Variants in PRKCB observed in about 807,000 individuals in gnomAD.
PRKCB encodes protein kinase C beta.
In PRKCB, 13 loss-of-function variants were observed where a neutral mutation model predicts 81.5. The observed-to-expected ratio is 0.16, with a 90% CI of 0.10 to 0.25. PRKCB has a LOEUF of 0.25. Ranked by LOEUF, PRKCB falls within the 10% of genes least tolerant of loss-of-function variation. The pLI, the probability that PRKCB is intolerant of heterozygous loss-of-function variation, is 1.00. For synonymous variants in PRKCB, 335 were observed against 321.4 expected (o/e 1.04, Z -0.45); for missense variants, 509 against 875.7 (o/e 0.58, Z 5.29).
At chr16:24,163,539 T>C (rs973193806) in intron 10 of PRKCB, among the ~76,000 whole-genome samples, 1 of 152,180 alleles carries the variant, frequency 6.6e-6, no homozygotes, top group African/African-American at 2.4e-5. Context: ...CGAGGAAGAA[T>C]AGAGGTAGTT....
chr16:23,869,443 A>G (rs1962865858), intron 2 of PRKCB: 1 of 182,780 alleles, frequency 5.5e-6, no homozygotes, highest in Admixed American at 6.1e-5. Context: ...TAATACAGTC[A>G]TATAGCCAGT....
chr16:24,177,361 C>T (rs1258697577), intron 12 of PRKCB, among the ~76,000 whole-genome samples: 1 of 152,230 alleles, frequency 6.6e-6, no homozygotes, highest in African/African-American at 2.4e-5. Flanking sequence ...ACTACACACT[C>T]TCCCTTTCAT....
intron 3 of PRKCB, among the ~76,000 whole-genome samples, chr16:24,027,542 G>T (rs1965497223): frequency 6.6e-6 from 1 of 152,144 alleles, no homozygotes; most frequent in Admixed American, 6.6e-5. Context: ...TCCTTTTGTA[G>T]CTGAGAGCAC....
chr16:24,211,804 C>A (rs1313224884), intron 16 of PRKCB, among the ~76,000 whole-genome samples: 1 of 152,146 alleles, frequency 6.6e-6, no homozygotes, highest in African/African-American at 2.4e-5. Context: ...AGGTGATCCA[C>A]CCGCCTCGGC....
chr16:24,069,119 A>G (rs1270338500), intron 5 of PRKCB, among the ~76,000 whole-genome samples: 2 of 152,218 alleles, frequency 1.3e-5, no homozygotes, highest in Non-Finnish European at 2.9e-5. Context: ...CAGGTCACAA[A>G]GCTGCTCTAT....
chr16:24,185,280 T>C (rs1403081086), intron 14 of PRKCB, 89 bp downstream of exon 14: 3 of 1,350,284 alleles, frequency 2.2e-6, no homozygotes, highest in Non-Finnish European at 3.1e-6. Context: ...TGGTAACAGC[T>C]CATAAATTGG....
chr16:23,946,219 C>T (rs962816544), intron 2 of PRKCB, among the ~76,000 whole-genome samples: 1 of 152,164 alleles, frequency 6.6e-6, no homozygotes, highest in Non-Finnish European at 1.5e-5. Context: ...CATAAGCCAC[C>T]TCTGATTATT....
intron 5 of PRKCB, among the ~76,000 whole-genome samples, chr16:24,058,280 T>C (rs1272673386): frequency 1.3e-5 from 2 of 152,152 alleles, no homozygotes; most frequent in African/African-American, 4.8e-5. Flanking sequence ...TGTTTATTTA[T>C]TTGCTTCTTG....
chr16:23,946,982 A>C (rs1188048394), intron 2 of PRKCB, among the ~76,000 whole-genome samples: 2 of 152,000 alleles, frequency 1.3e-5, no homozygotes, highest in African/African-American at 4.8e-5. Context: ...TAGCCTCCCA[A>C]GTAGCTGGGA....
At chr16:24,086,823 T>C (rs1196473055) in intron 5 of PRKCB, among the ~76,000 whole-genome samples, 2 of 152,230 alleles carry the variant, frequency 1.3e-5, no homozygotes, top group Non-Finnish European at 2.9e-5. Flanking sequence ...CTCTTTTCTA[T>C]ATATTTACAT....
At chr16:23,866,846 C>A (rs887933880) in intron 2 of PRKCB, among the ~76,000 whole-genome samples, 1 of 152,144 alleles carries the variant, frequency 6.6e-6, no homozygotes, top group Non-Finnish European at 1.5e-5. Context: ...TATTATCAGG[C>A]CTTAACACTT....
At chr16:23,844,438 A>C (rs1438230657) in intron 2 of PRKCB, among the ~76,000 whole-genome samples, 27 of 152,072 alleles carry the variant, frequency 1.8e-4, no homozygotes, top group Non-Finnish European at 1.8e-4. Context: ...CCACCTCTCT[A>C]TTCATCATCC....
At chr16:23,872,735 G>T (rs1002281874) in intron 2 of PRKCB, among the ~76,000 whole-genome samples, 1 of 152,090 alleles carries the variant, frequency 6.6e-6, no homozygotes, top group African/African-American at 2.4e-5. Context: ...TAAATTTTGT[G>T]TATGGAAAGC....
chr16:23,998,138 G>A lies in PRKCB; in HGVS notation c.288+9548G>A, dbSNP rs924537165. ...AAATTCACTCTCTCTTTTTGAGCTG[G>A]AACATTAATTTTTTCCCGCCTTTGG... On this transcript the variant is annotated intron_variant, in intron 3 of 16. Transcript: ENST00000643927. 3.3e-5 allele frequency among the ~76,000 whole-genome samples: 5 copies of A among 152,278 alleles called. No individual in the cohort carries two copies. The South Asian group carries it at 8.3e-4, about 25-fold the overall frequency.
chr16:24,044,112 T>C (rs1965737250), intron 5 of PRKCB, among the ~76,000 whole-genome samples: 1 of 152,070 alleles, frequency 6.6e-6, no homozygotes, highest in Non-Finnish European at 1.5e-5. Context: ...CCCAGCACTT[T>C]GGGAGGCTGA....
chr16:24,026,573 T>C (rs1965482794), intron 3 of PRKCB, among the ~76,000 whole-genome samples: 2 of 152,228 alleles, frequency 1.3e-5, no homozygotes, highest in African/African-American at 4.8e-5. Context: ...GAGGAACTCC[T>C]TTCTTCTCTA....
At chr16:24,205,725 C>T (rs566722105) in intron 16 of PRKCB, among the ~76,000 whole-genome samples, 1 of 152,088 alleles carries the variant, frequency 6.6e-6, no homozygotes, top group African/African-American at 2.4e-5. Flanking sequence ...TCCCTGGGTT[C>T]TAGAAACGCA....
chr16:23,900,108 T>C (rs989107673), intron 2 of PRKCB, among the ~76,000 whole-genome samples: 3 of 152,064 alleles, frequency 2.0e-5, no homozygotes, highest in Admixed American at 2.0e-4. Context: ...GTGGTGGGGG[T>C]TGCTACTGGA....
chr16:24,112,367 A>C (rs1413069705), intron 7 of PRKCB, among the ~76,000 whole-genome samples: 4 of 152,154 alleles, frequency 2.6e-5, no homozygotes, highest in Non-Finnish European at 2.9e-5. Context: ...CATCTCTACA[A>C]AAAAATTTTT....
Sources: allele counts gnomAD v4.1 joint callset (sites outside exome capture counted in the v4.1 genomes callset), GRCh38; gene constraint gnomAD v4.1.1; transcripts MANE v1.5; gene names NCBI Gene and HGNC (gene_info 2026-07-23, HGNC 2026-07-21).